Variants in SASH1 observed in about 807,000 individuals in gnomAD.
SASH1 encodes the protein SAM and SH3 domain containing 1, also known as SAM and SH3 domain-containing protein 1.
SASH1 carries 44 observed loss-of-function variants against 125.2 expected under a neutral mutation model. The observed-to-expected ratio is 0.35, with a 90% CI of 0.28 to 0.45. The LOEUF (loss-of-function observed/expected upper bound fraction) is 0.45. Among genes scored for constraint, SASH1 ranks in the 20% least tolerant of loss-of-function variants. The pLI, the probability that SASH1 is intolerant of heterozygous loss-of-function variation, is 1.00. For missense variants in SASH1, 1,426 were observed against 1,614.5 expected (o/e 0.88, Z 2.00); for synonymous variants, 639 against 649.1 (o/e 0.98, Z 0.24).
the SASH1 span, among the ~76,000 whole-genome samples, chr6:148,259,393 A>T: frequency 1.3e-5 from 2 of 152,216 alleles, no homozygotes; most frequent in Non-Finnish European, 1.5e-5. Flanking sequence ...GAGGAAGTCC[A>T]GATAGCACTC....
At chr6:148,279,180 C>T (rs911515601) in intron 1 of SASH1, among the ~76,000 whole-genome samples, 14 of 151,850 alleles carry the variant, frequency 9.2e-5, no homozygotes, top group African/African-American at 3.1e-4. Context: ...TTAGTAGAAA[C>T]GGGTTTCACC....
intron 12 of SASH1, among the ~76,000 whole-genome samples, 185 bp from the exon 13 acceptor site, chr6:148,531,341 A>G (rs1485836430): frequency 6.6e-6 from 1 of 152,228 alleles, no homozygotes; most frequent in Non-Finnish European, 1.5e-5. Context: ...ATAAATAGTG[A>G]CATTGGCCAC....
the SASH1 span, among the ~76,000 whole-genome samples, chr6:148,207,351 ATGT>A: frequency 2.0e-5 from 3 of 152,170 alleles, no homozygotes; most frequent in Non-Finnish European, 4.4e-5. Flanking sequence ...CTATAGACTC[ATGT>A]GGCTAGTGGC....
chr6:148,403,849 A>T (rs1416766091), intron 2 of SASH1, among the ~76,000 whole-genome samples: 1 of 152,210 alleles, frequency 6.6e-6, no homozygotes, highest in African/African-American at 2.4e-5. Context: ...AGTGTTTTTT[A>T]AAATGAGTGT....
chr6:148,460,360 T>G (rs1292556730), intron 4 of SASH1, among the ~76,000 whole-genome samples: 2 of 152,206 alleles, frequency 1.3e-5, no homozygotes, highest in Non-Finnish European at 2.9e-5. Context: ...AACTCACAGT[T>G]GGAGAATTTA....
At chr6:148,518,972 C>T (rs2115348078) in intron 9 of SASH1, among the ~76,000 whole-genome samples, 1 of 152,264 alleles carries the variant, frequency 6.6e-6, no homozygotes, top group East Asian at 1.9e-4. Flanking sequence ...TTGCATTTGG[C>T]CTGTCAGCTG....
At chr6:148,505,653 C>G in intron 8 of SASH1, among the ~76,000 whole-genome samples, 1 of 140,124 alleles carries the variant, frequency 7.1e-6, no homozygotes, top group African/African-American at 2.7e-5. Context: ...TTTCTTTTTT[C>G]TTTTTGGAGA....
At chr6:148,210,771 G>C in the SASH1 span, among the ~76,000 whole-genome samples, 1 of 152,188 alleles carries the variant, frequency 6.6e-6, no homozygotes, top group Middle Eastern at 3.4e-3. Flanking sequence ...TGAACCCAAG[G>C]GAATGTTAGG....
chr6:148,365,974 G>A (rs527782014), intron 1 of SASH1, among the ~76,000 whole-genome samples: 176 of 152,066 alleles, frequency 1.2e-3, no homozygotes, highest in Admixed American at 1.8e-3. Flanking sequence ...TTAGCCAGGC[G>A]TGGTGGCGTG....
intron 1 of SASH1, among the ~76,000 whole-genome samples, chr6:148,282,668 C>T (rs111891615): frequency 0.048 from 7,345 of 152,166 alleles, 333 homozygotes; most frequent in South Asian, 0.17. Flanking sequence ...ACGTGAGCCA[C>T]CACGCCCAGC....
intron 1 of SASH1, among the ~76,000 whole-genome samples, chr6:148,360,642 C>CCA (rs752458347): frequency 2.3e-5 from 3 of 128,796 alleles, no homozygotes; most frequent in South Asian, 2.3e-4. Context: ...AGCCACCCCC[C>CCA]CGCCAGGCTT....
chr6:148,457,782 C>G (rs756555597), intron 4 of SASH1, among the ~76,000 whole-genome samples: 1 of 152,072 alleles, frequency 6.6e-6, no homozygotes, highest in Non-Finnish European at 1.5e-5. Context: ...CTGGGGAGAC[C>G]TCAGGAAACT....
chr6:148,381,344 C>T (rs1783123260), intron 1 of SASH1, among the ~76,000 whole-genome samples: 1 of 152,190 alleles, frequency 6.6e-6, no homozygotes, highest in South Asian at 2.1e-4. Flanking sequence ...GCAGGCTGCA[C>T]TGGGCCTGTT....
chr6:148,532,655 C>T lies in SASH1; in HGVS notation c.1565-142C>T. ...CGGAGAATTCATAACTGGGCCCTGC[C>T]CTGGTCCTGACAGAGGGTTGTGGCT... is the stretch of plus-strand genomic sequence containing the variant. On this transcript the variant is annotated intron_variant, in intron 13 of 19. Transcript: ENST00000367467. This position sits in a 1 kb window ranked among gnomAD's most constrained non-coding sequence, Gnocchi z 4.7. 1.1e-6 allele frequency: 1 copy of T among 938,182 alleles called. No individual in the cohort carries two copies. Among genetic ancestry groups the T allele is most frequent in the Admixed American group, 2.2e-5 (1 of 45,274 alleles). 58.1% of individuals were successfully genotyped at this position (938,182 alleles called of 1,614,324 possible). A position where few individuals can be genotyped will look rare whatever the true frequency, so the allele number is the denominator to read the frequency against.
chr6:148,514,300 CT>C (rs145246370), intron 8 of SASH1, 23 bp from the exon 9 acceptor site: 553,782 of 1,594,748 alleles, frequency 0.35, 98,888 homozygotes, highest in Middle Eastern at 0.45. Context: ...ACCTGATTAA[CT>C]TTTTCCTTTG....
At chr6:148,384,642 T>C (rs1783286747) in intron 1 of SASH1, among the ~76,000 whole-genome samples, 1 of 152,304 alleles carries the variant, frequency 6.6e-6, no homozygotes, top group Non-Finnish European at 1.5e-5. Flanking sequence ...ATTAAATATT[T>C]TTATGGAGTA....
intron 1 of SASH1, among the ~76,000 whole-genome samples, chr6:148,316,433 A>G (rs968096471): frequency 6.6e-6 from 1 of 152,236 alleles, no homozygotes; most frequent in African/African-American, 2.4e-5. Context: ...AAGTTCATGT[A>G]TTCCAGCCAG....
chr6:148,202,392 T>C, the SASH1 span, among the ~76,000 whole-genome samples: 4,637 of 152,148 alleles, frequency 0.03, 220 homozygotes, highest in African/African-American at 0.11. Flanking sequence ...ATCCAAGGAC[T>C]GCAGCTGGAC....
At position 148,346,651 on chromosome 6, in the gene SASH1, A is replaced by G. The variant is rs1325640412; in HGVS notation, c.156+3428A>G. Among the ~76,000 whole-genome samples, 8 of 152,232 alleles carry G rather than the reference A, an allele frequency of 5.3e-5. 1 individual carries two copies. In the South Asian group the frequency reaches 1.7e-3, roughly 32 times the overall value. ...TGTATTTCTTAAATGCAGGAGTCAC[A>G]TCAAAGCATTGTTCTGTCAAGACAC... On this transcript the variant is annotated intron_variant, in intron 1 of 19. Transcript: ENST00000367467.
Sources: allele counts gnomAD v4.1 joint callset (sites outside exome capture counted in the v4.1 genomes callset), GRCh38; gene constraint gnomAD v4.1.1; non-coding constraint Gnocchi (gnomAD v3.1); transcripts MANE v1.5; gene names NCBI Gene and HGNC (gene_info 2026-07-23, HGNC 2026-07-21).